Variants in IL1R1 observed in about 807,000 individuals in gnomAD.
IL1R1 encodes interleukin-1 receptor type 1.
In IL1R1, 22 loss-of-function variants were observed where a neutral mutation model predicts 50.2. That is an observed-to-expected ratio of 0.44 (90% confidence interval 0.31 to 0.63). The LOEUF (loss-of-function observed/expected upper bound fraction) is 0.63, where lower values mean the gene tolerates loss of function less well. Ranked by LOEUF, IL1R1 falls within the 20% of genes least tolerant of loss-of-function variation. IL1R1 has a pLI of 0.07. For missense variants in IL1R1, 509 were observed against 676.2 expected (o/e 0.75, Z 2.74); for synonymous variants, 251 against 236.7 (o/e 1.06, Z -0.55).
chr2:102,155,138 G>A (rs1016804830), intron 2 of IL1R1, among the ~76,000 whole-genome samples: 1 of 152,212 alleles, frequency 6.6e-6, no homozygotes, highest in Admixed American at 6.5e-5. Context: ...AGACATGAAT[G>A]GTTAACTGAA....
intron 1 of IL1R1, among the ~76,000 whole-genome samples, chr2:102,149,689 A>C (rs2104481605): frequency 6.6e-6 from 1 of 152,224 alleles, no homozygotes; most frequent in South Asian, 2.1e-4. Flanking sequence ...TGCCTGGTTC[A>C]TAGACTGGCC....
At chr2:102,143,587 G>C (rs1682862961) in intron 1 of IL1R1, among the ~76,000 whole-genome samples, 1 of 152,220 alleles carries the variant, frequency 6.6e-6, no homozygotes, top group South Asian at 2.1e-4. Context: ...CTTGTGAGGA[G>C]GGTGCTGTCA....
At chr2:102,109,105 A>C (rs1436637265) in intron 1 of IL1R1, among the ~76,000 whole-genome samples, 1 of 152,050 alleles carries the variant, frequency 6.6e-6, no homozygotes, top group Admixed American at 6.6e-5. Flanking sequence ...AAGCACAGAG[A>C]GTGATTTGCT....
intron 1 of IL1R1, among the ~76,000 whole-genome samples, chr2:102,108,382 C>T (rs866118658): frequency 6.1e-4 from 93 of 152,144 alleles, no homozygotes; most frequent in African/African-American, 2.1e-3. Flanking sequence ...CATTCTTGTA[C>T]AGGAAAACCA....
intron 1 of IL1R1, among the ~76,000 whole-genome samples, chr2:102,074,294 T>A (rs1282289637): frequency 1.3e-5 from 2 of 151,428 alleles, no homozygotes; most frequent in African/African-American, 4.9e-5. Flanking sequence ...GTCCTGTGGA[T>A]GCTTCTTTGG....
chr2:102,083,805 A>G (rs1416842642), intron 1 of IL1R1, among the ~76,000 whole-genome samples: 1 of 152,042 alleles, frequency 6.6e-6, no homozygotes, highest in African/African-American at 2.4e-5. Flanking sequence ...TTAGCCAGGC[A>G]TGGTGATGGG....
chr2:102,133,360 C>G (rs4851546), intron 1 of IL1R1, among the ~76,000 whole-genome samples: 55,834 of 151,946 alleles, frequency 0.37, 11,666 homozygotes, highest in East Asian at 0.49. Flanking sequence ...CAAACTCTTC[C>G]AGAAAATTGA....
At chr2:102,144,444 T>C (rs1282239240) in intron 1 of IL1R1, among the ~76,000 whole-genome samples, 1 of 152,194 alleles carries the variant, frequency 6.6e-6, no homozygotes, top group East Asian at 1.9e-4. Context: ...CCTGCTTGTA[T>C]GTCATAATGT....
At chr2:102,095,294 TA>T (rs1207494551) in intron 1 of IL1R1, among the ~76,000 whole-genome samples, 2 of 152,342 alleles carry the variant, frequency 1.3e-5, no homozygotes, top group Non-Finnish European at 2.9e-5. Flanking sequence ...GCAGTGATGA[TA>T]AAGAATGCAG....
chr2:102,072,765 G>T (rs1343576896), intron 1 of IL1R1, among the ~76,000 whole-genome samples: 1 of 151,414 alleles, frequency 6.6e-6, no homozygotes, highest in African/African-American at 2.4e-5. Context: ...GCCAAACTTA[G>T]TTTTTTTTTC....
chr2:102,074,534 G>A (rs1678880449), intron 1 of IL1R1, among the ~76,000 whole-genome samples: 2 of 152,164 alleles, frequency 1.3e-5, no homozygotes, highest in South Asian at 2.1e-4. Flanking sequence ...TTTGTGAGAT[G>A]CTGCCCCAGA....
At position 102,179,434 on chromosome 2, in the gene IL1R1, T is replaced by C. The variant is rs1686402343; in HGVS notation, c.*2675T>C. On this transcript the variant is annotated 3_prime_UTR_variant, in exon 12 of 12. Coordinates refer to ENST00000410023, the MANE Select transcript of IL1R1 (RefSeq NM_000877.4). ...ATTCTGGAGGAAGAAGACACATTCC[T>C]AGTTCCCCGTGAACTTCCTTTGACT... is the stretch of plus-strand genomic sequence containing the variant. The C allele has an allele frequency of 6.6e-6, 1 of 152,366 alleles. No individual in the cohort carries two copies. Among genetic ancestry groups the C allele is most frequent in the Non-Finnish European group, 1.5e-5 (1 of 68,032 alleles). 9.4% of individuals were successfully genotyped at this position (152,366 alleles called of 1,614,324 possible).
Position 102,175,706 on chromosome 2 carries a change from G to T in IL1R1, c.1303+61G>T, listed in dbSNP as rs776194886. ...TTGTAAAACTACTTAGTAAAATGTG[G>T]ATTCCATCTTTCTAGAAGATCGTGG... On this transcript the variant is annotated intron_variant, in intron 11 of 11. Coordinates refer to ENST00000410023, the MANE Select transcript of IL1R1 (RefSeq NM_000877.4). 2.5e-5 allele frequency: 37 copies of T among 1,499,370 alleles called. No individual in the cohort carries two copies. In the Admixed American group the frequency reaches 6.2e-4, roughly 25 times the overall value. 92.9% of individuals were successfully genotyped at this position (1,499,370 alleles called of 1,614,324 possible).
Position 102,084,930 on chromosome 2 carries a change from AAG to A in IL1R1, c.-84+14400_-84+14401del, listed in dbSNP as rs1322012254. 2.0e-5 allele frequency among the ~76,000 whole-genome samples: 3 copies of A among 152,356 alleles called. No individual in the cohort carries two copies. In the East Asian group the frequency reaches 5.8e-4, roughly 29 times the overall value. ...TCTTATTCATTTTCACCATTCTGGT[AAG>A]AGTGTCCCGCAATTTCATTCTGGCT... On this transcript the variant is annotated intron_variant, in intron 1 of 11. Transcript: ENST00000409929.
chr2:102,150,800 C>G (rs1170361393), intron 1 of IL1R1, among the ~76,000 whole-genome samples: 1 of 152,202 alleles, frequency 6.6e-6, no homozygotes, highest in African/African-American at 2.4e-5. Context: ...GCTGTCTTTC[C>G]TGGAAGCTGC....
intron 7 of IL1R1, among the ~76,000 whole-genome samples, chr2:102,169,790 AATGTTTCTCAACC>A (rs370949906): frequency 9.2e-5 from 14 of 152,352 alleles, no homozygotes; most frequent in African/African-American, 3.4e-4. Context: ...GCTCTAGAAC[AATGTTTCTCAACC>A]ATCTTTTTTT....
Position 102,129,133 on chromosome 2 carries a change from C to T in IL1R1, c.-84+24261C>T, listed in dbSNP as rs911641553. On this transcript the variant is annotated intron_variant, in intron 1 of 10. Coordinates refer to the IL1R1 transcript ENST00000409329. ...GGCTGAGGTGAGAGGAATACTTGAGCCCAGGAGATTGAGGCTGCAGTGAGC... is the reference window on the plus strand; with the variant it reads ...GGCTGAGGTGAGAGGAATACTTGAGTCCAGGAGATTGAGGCTGCAGTGAGC... Among the ~76,000 whole-genome samples, 88 of 152,046 alleles carry T rather than the reference C, an allele frequency of 5.8e-4. 1 individual carries two copies. Among genetic ancestry groups the T allele is most frequent in the African/African-American group, 2.0e-3 (83 of 41,398 alleles).
intron 1 of IL1R1, among the ~76,000 whole-genome samples, chr2:102,150,610 G>T (rs1027557807): frequency 2.4e-4 from 36 of 152,206 alleles, no homozygotes; most frequent in African/African-American, 5.5e-4. Flanking sequence ...AGCGATGGGG[G>T]CTGTATTTGG....
At chr2:102,072,288 C>T (rs1406984453) in intron 1 of IL1R1, among the ~76,000 whole-genome samples, 2 of 151,118 alleles carry the variant, frequency 1.3e-5, no homozygotes, top group African/African-American at 4.9e-5. Flanking sequence ...GAAAAAAATT[C>T]GTACACTTTA....
Sources: gnomAD v4.1 joint callset for allele counts (sites outside exome capture counted in the v4.1 genomes callset) on GRCh38, gnomAD v4.1.1 for gene constraint, MANE v1.5 for transcripts, NCBI Gene and HGNC (gene_info 2026-07-23, HGNC 2026-07-21) for gene names.